TMTC2: variants seen among roughly 807,000 people sequenced by gnomAD.
TMTC2 encodes the protein protein O-mannosyl-transferase TMTC2.
A neutral mutation model predicts 82.4 loss-of-function variants in TMTC2; 43 were observed. The observed-to-expected ratio is 0.52, with a 90% confidence interval of 0.41 to 0.67. TMTC2 has a LOEUF of 0.67. TMTC2 is among the 30% of genes least tolerant of loss of function. The pLI is 0.00. For synonymous variants in TMTC2, 408 were observed against 381.9 expected, an observed-to-expected ratio of 1.07 and a Z score of -0.80; for missense variants, 919 against 1,012.4, an observed-to-expected ratio of 0.91 and a Z score of 1.25.
chr12:83,055,431 T>C (rs1351238030), intron 10 of TMTC2, among the ~76,000 whole-genome samples: 1 of 151,964 alleles, frequency 6.6e-6, no homozygotes, highest in Non-Finnish European at 1.5e-5. Context: ...TGCTTCCAGA[T>C]GAGAGCATAA....
chr12:83,109,530 G>C (rs1394147102), intron 11 of TMTC2, among the ~76,000 whole-genome samples: 1 of 152,102 alleles, frequency 6.6e-6, no homozygotes, highest in Admixed American at 6.6e-5. Flanking sequence ...TTTCTCTTCT[G>C]CAACACCTCT....
At chr12:82,726,935 G>C (rs1246724110) in intron 1 of TMTC2, among the ~76,000 whole-genome samples, 3 of 138,084 alleles carry the variant, frequency 2.2e-5, no homozygotes, top group African/African-American at 8.1e-5. Flanking sequence ...AGCTCAAATA[G>C]AGTACCCTTA....
At chr12:82,981,293 T>C (rs752159796) in intron 7 of TMTC2, among the ~76,000 whole-genome samples, 3 of 151,918 alleles carry the variant, frequency 2.0e-5, no homozygotes, top group Non-Finnish European at 4.4e-5. Context: ...TCCAGTAATT[T>C]GAAACATAAG....
intron 3 of TMTC2, among the ~76,000 whole-genome samples, chr12:82,907,225 A>T (rs1322404832): frequency 1.3e-5 from 2 of 152,012 alleles, no homozygotes; most frequent in Admixed American, 1.3e-4. Flanking sequence ...GCACTTTGGG[A>T]GGCCAAGTCG....
At chr12:82,852,245 G>T (rs1480566614) in intron 1 of TMTC2, among the ~76,000 whole-genome samples, 1 of 151,820 alleles carries the variant, frequency 6.6e-6, no homozygotes, top group Non-Finnish European at 1.5e-5. Flanking sequence ...GGAACTACAA[G>T]CGCCCGCCAC....
intron 11 of TMTC2, among the ~76,000 whole-genome samples, chr12:83,067,059 G>C (rs1399350466): frequency 6.6e-6 from 1 of 151,896 alleles, no homozygotes; most frequent in African/African-American, 2.4e-5. Flanking sequence ...TCAATTTCAG[G>C]CATTTGGGAA....
intron 1 of TMTC2, among the ~76,000 whole-genome samples, chr12:82,761,658 C>A (rs1281017558): frequency 2.0e-5 from 3 of 152,132 alleles, no homozygotes; most frequent in African/African-American, 7.2e-5. Flanking sequence ...TCTTTTCCAC[C>A]CCGGAACCCT....
chr12:82,844,711 A>T (rs1870538329), intron 1 of TMTC2, among the ~76,000 whole-genome samples: 1 of 151,744 alleles, frequency 6.6e-6, no homozygotes, highest in Non-Finnish European at 1.5e-5. Context: ...CTGAGGCAGG[A>T]GAATGGCGGG....
intron 3 of TMTC2, among the ~76,000 whole-genome samples, chr12:82,928,130 A>G (rs1875826754): frequency 6.6e-6 from 1 of 152,134 alleles, no homozygotes; most frequent in African/African-American, 2.4e-5. Flanking sequence ...GCCTTAAAAT[A>G]TTCAAAGGTA....
chr12:83,046,166 G>T (rs761961473), intron 9 of TMTC2, among the ~76,000 whole-genome samples: 10 of 152,138 alleles, frequency 6.6e-5, no homozygotes, highest in Non-Finnish European at 1.3e-4. Flanking sequence ...AAGAACTGAG[G>T]TTGCTGTAGA....
intron 6 of TMTC2, among the ~76,000 whole-genome samples, chr12:82,966,505 A>G (rs939762221): frequency 1.3e-5 from 2 of 152,180 alleles, no homozygotes; most frequent in African/African-American, 4.8e-5. Context: ...GGGTTTCAAG[A>G]GCTGGAAGAT....
intron 1 of TMTC2, among the ~76,000 whole-genome samples, chr12:82,811,388 C>A (rs938572823): frequency 5.3e-5 from 8 of 151,134 alleles, no homozygotes; most frequent in Non-Finnish European, 5.9e-5. Flanking sequence ...AAATTTTATT[C>A]TCATTAATTA....
intron 1 of TMTC2, among the ~76,000 whole-genome samples, chr12:82,781,767 C>G (rs1046303006): frequency 1.4e-5 from 2 of 143,112 alleles, no homozygotes; most frequent in African/African-American, 5.3e-5. Context: ...TGCTGCTCAT[C>G]TCTACATGCC....
At chr12:82,841,953 T>G (rs908299646) in intron 1 of TMTC2, among the ~76,000 whole-genome samples, 2 of 152,240 alleles carry the variant, frequency 1.3e-5, no homozygotes, top group African/African-American at 2.4e-5. Context: ...CAAAAGTGTT[T>G]TTTATAGCTT....
intron 1 of TMTC2, among the ~76,000 whole-genome samples, chr12:82,735,482 A>G (rs1180692828): frequency 1.3e-5 from 2 of 151,642 alleles, no homozygotes; most frequent in Non-Finnish European, 2.9e-5. Context: ...AGTAGCTGGG[A>G]CTACAGGCGC....
intron 1 of TMTC2, among the ~76,000 whole-genome samples, chr12:82,806,552 C>T (rs776706475): frequency 2.6e-5 from 4 of 152,074 alleles, no homozygotes; most frequent in Admixed American, 2.0e-4. Context: ...CGAAAATGTG[C>T]ATATAATTTT....
chr12:82,798,875 G>A (rs1431319558), intron 1 of TMTC2, among the ~76,000 whole-genome samples: 2 of 151,296 alleles, frequency 1.3e-5, no homozygotes, highest in South Asian at 4.2e-4. Context: ...ACAGCCAGAG[G>A]TAAATGAAAA....
At chr12:82,750,783 T>A (rs1225533665) in intron 1 of TMTC2, among the ~76,000 whole-genome samples, 1 of 152,290 alleles carries the variant, frequency 6.6e-6, no homozygotes. Flanking sequence ...GCTGTATGAG[T>A]GTTATGACTT....
chr12:82,715,302 A>G (rs1051241310), intron 1 of TMTC2, among the ~76,000 whole-genome samples: 1 of 151,960 alleles, frequency 6.6e-6, no homozygotes, highest in Non-Finnish European at 1.5e-5. Context: ...AAGAAAAGGC[A>G]TACAAATCTT....
Sources: allele counts gnomAD v4.1 joint callset (sites outside exome capture counted in the v4.1 genomes callset), GRCh38; gene constraint gnomAD v4.1.1; transcripts MANE v1.5; gene names NCBI Gene and HGNC (gene_info 2026-07-23, HGNC 2026-07-21).